Variants in ARSG observed in about 807,000 individuals in gnomAD.
ARSG encodes the protein ASG.
Under a neutral mutation model 50.5 loss-of-function variants are expected in ARSG, and 37 were observed. The observed-to-expected ratio is 0.73, with a 90% CI of 0.56 to 0.96. The LOEUF (loss-of-function observed/expected upper bound fraction) is 0.96, where lower values mean the gene tolerates loss of function less well. ARSG is among the 50% of genes least tolerant of loss of function. ARSG has a pLI of 0.00. For missense variants in ARSG, 629 were observed against 675.3 expected (o/e 0.93, Z 0.76); for synonymous variants, 225 against 254.6 (o/e 0.88, Z 1.11).
At chr17:68,291,238 A>C (rs1390978366), upstream of ARSG, 2 of 150,776 alleles carry the variant, frequency 1.3e-5, no homozygotes, top group South Asian at 4.2e-4. Context: ...CGGGCTGGTG[A>C]GGCCCGAGCG....
At chr17:68,398,897 A>G (rs1045793172) in intron 10 of ARSG, among the ~76,000 whole-genome samples, 5 of 152,206 alleles carry the variant, frequency 3.3e-5, no homozygotes, top group Admixed American at 1.3e-4. Context: ...GAGGGGCACC[A>G]GGAGAGAGAT....
At chr17:68,264,145 C>T (rs1274524244) in intron 1 of ARSG, among the ~76,000 whole-genome samples, 5 of 152,028 alleles carry the variant, frequency 3.3e-5, no homozygotes, top group East Asian at 1.9e-4. Context: ...TACAGGTGTG[C>T]GCCACCACGC....
intron 9 of ARSG, among the ~76,000 whole-genome samples, chr17:68,388,796 G>T (rs1203194350): frequency 6.6e-6 from 1 of 151,782 alleles, no homozygotes; most frequent in Non-Finnish European, 1.5e-5. Context: ...GTGGTGGCGC[G>T]TGCCTGTAAT....
At chr17:68,430,070 C>T in the ARSG span, 2 of 1,614,190 alleles carry the variant, frequency 1.2e-6, no homozygotes, top group Non-Finnish European at 1.7e-6. Flanking sequence ...CCTGATGCAT[C>T]ATGTCTGACA....
At chr17:68,324,372 G>C (rs1344357488) in intron 2 of ARSG, among the ~76,000 whole-genome samples, 1 of 152,096 alleles carries the variant, frequency 6.6e-6, no homozygotes, top group East Asian at 1.9e-4. Flanking sequence ...CTCGGGGCTG[G>C]CACCACCAAG....
chr17:68,421,653 C>CA (rs2082781692), downstream of ARSG: 4 of 1,410,172 alleles, frequency 2.8e-6, no homozygotes, highest in South Asian at 4.7e-5. Context: ...AGCAGTGGAG[C>CA]ACCCGGGATT....
chr17:68,421,906 A>AGAGT, downstream of ARSG: 1 of 1,561,312 alleles, frequency 6.4e-7, no homozygotes, highest in Non-Finnish European at 8.8e-7. Flanking sequence ...GTGCCCATGC[A>AGAGT]GAGTGAGCAG....
chr17:68,284,564 A>G (rs2075799633), intron 1 of ARSG, among the ~76,000 whole-genome samples: 1 of 152,200 alleles, frequency 6.6e-6, no homozygotes, highest in Non-Finnish European at 1.5e-5. Context: ...TTGAAAGTAG[A>G]AGGCAACTGA....
chr17:68,426,195 C>G (rs774910250), downstream of ARSG: 3 of 1,575,110 alleles, frequency 1.9e-6, no homozygotes, highest in East Asian at 7.0e-5. Context: ...AAGAAAGAGA[C>G]ATGAAACAAG....
chr17:68,363,529 G>A (rs944298932), intron 6 of ARSG, among the ~76,000 whole-genome samples: 3 of 151,994 alleles, frequency 2.0e-5, no homozygotes, highest in Admixed American at 2.0e-4. Context: ...GTGCAATGGC[G>A]CGATCTCGGC....
At chr17:68,352,191 CAGAG>C (rs1216424459) in intron 5 of ARSG, among the ~76,000 whole-genome samples, 18 of 122,604 alleles carry the variant, frequency 1.5e-4, no homozygotes, top group Non-Finnish European at 2.5e-4. Flanking sequence ...GAGACAGAGA[CAGAG>C]AGAGAGAGAA....
At chr17:68,329,567 G>A (rs529838986) in intron 2 of ARSG, among the ~76,000 whole-genome samples, 1 of 152,272 alleles carries the variant, frequency 6.6e-6, no homozygotes, top group East Asian at 1.9e-4. Flanking sequence ...CACAGTCTAA[G>A]AAAACTTTTG....
rs183820576 is a variant in ARSG, at chr17:68,276,176, C to T, written c.-552+16750C>T. ...TGGCACAATCTCAGCTCACTGCAAC[C>T]TCTGCCTCCCAGGATCAAGTGATTC... On this transcript the variant is annotated intron_variant, in intron 1 of 11. Transcript: ENST00000448504. 2.0e-3 allele frequency among the ~76,000 whole-genome samples: 296 copies of T among 151,610 alleles called. 5 individuals carry two copies. Among genetic ancestry groups the T allele is most frequent in the Middle Eastern group, 0.017 (5 of 294 alleles).
intron 9 of ARSG, 52 bp downstream of exon 9, chr17:68,385,224 A>G: frequency 1.3e-6 from 2 of 1,531,508 alleles, no homozygotes; most frequent in Non-Finnish European, 1.8e-6. Flanking sequence ...AAGAAAAGTC[A>G]TGGAGGCATG....
At chr17:68,393,874 A>C (rs1444582850) in intron 9 of ARSG, among the ~76,000 whole-genome samples, 2 of 151,910 alleles carry the variant, frequency 1.3e-5, no homozygotes, top group Non-Finnish European at 2.9e-5. Flanking sequence ...TCTCAAAAAA[A>C]AAAAAAAGGG....
intron 11 of ARSG, among the ~76,000 whole-genome samples, chr17:68,406,324 A>G (rs370377479): frequency 1.3e-5 from 2 of 152,128 alleles, no homozygotes; most frequent in Non-Finnish European, 2.9e-5. Context: ...CATTTTTGCA[A>G]TTGCAAATTG....
intron 1 of ARSG, among the ~76,000 whole-genome samples, chr17:68,295,258 G>A (rs1331985666): frequency 6.6e-6 from 1 of 152,096 alleles, no homozygotes; most frequent in African/African-American, 2.4e-5. Flanking sequence ...TGTATTTGGG[G>A]ACAGTGAGGT....
Position 68,330,779 on chromosome 17 carries a change from G to C in ARSG, c.219-12825G>C, listed in dbSNP as rs549229398. On this transcript the variant is annotated intron_variant, in intron 2 of 11. Coordinates refer to ENST00000621439, the MANE Select transcript of ARSG (RefSeq NM_001267727.2). ...GCCTGGGAAGCCCATTGGGCTGAGA[G>C]ATTTAAGACAAGGCTGATGGCATTG... 2.9e-4 allele frequency among the ~76,000 whole-genome samples: 44 copies of C among 152,278 alleles called. 2 individuals are homozygous for C. The South Asian group carries it at 8.7e-3, about 30-fold the overall frequency.
At chr17:68,449,620 C>T in the ARSG span, among the ~76,000 whole-genome samples, 2 of 152,178 alleles carry the variant, frequency 1.3e-5, no homozygotes, top group Non-Finnish European at 1.5e-5. Context: ...TAGTACCCCC[C>T]ACCCGTCTCT....
Sources: allele counts gnomAD v4.1 joint callset (sites outside exome capture counted in the v4.1 genomes callset), GRCh38; gene constraint gnomAD v4.1.1; transcripts MANE v1.5; gene names NCBI Gene and HGNC (gene_info 2026-07-23, HGNC 2026-07-21).